The following CHCT1 variants were observed in gnomAD, a reference collection of about 807,000 sequenced individuals.
The protein encoded by CHCT1 is CHD1 helical C-terminal domain containing protein 1.
chr17:60,429,187 C>CA, the CHCT1 span, among the ~76,000 whole-genome samples: 1 of 152,216 alleles, frequency 6.6e-6, no homozygotes, highest in Non-Finnish European at 1.5e-5. Context: ...AGCTTGCCTC[C>CA]ATGTCCCCAC....
chr17:60,422,294 G>T, the CHCT1 span: 1 of 476,156 alleles, frequency 2.1e-6, no homozygotes, highest in South Asian at 2.1e-5. Context: ...GAGAAGGGGC[G>T]CCAGCCTCTC....
chr17:60,428,899 G>C, the CHCT1 span, among the ~76,000 whole-genome samples: 32 of 149,522 alleles, frequency 2.1e-4, no homozygotes, highest in East Asian at 6.0e-3. Context: ...GCTTACAAAG[G>C]CTCCCATTTT....
the CHCT1 span, among the ~76,000 whole-genome samples, chr17:60,427,053 A>C: frequency 3.9e-5 from 6 of 152,184 alleles, no homozygotes; most frequent in Admixed American, 3.9e-4. Context: ...CAAGCCCGGG[A>C]AAGTTCTTGG....
At chr17:60,429,583 A>G in the CHCT1 span, 1 of 1,602,030 alleles carries the variant, frequency 6.2e-7, no homozygotes, top group Admixed American at 1.7e-5. Context: ...TGTTGGGGTG[A>G]TGCCTGGACC....
chr17:60,431,263 G>A, the CHCT1 span: 34 of 1,598,648 alleles, frequency 2.1e-5, no homozygotes, highest in African/African-American at 2.7e-5. Flanking sequence ...AGACTGAACC[G>A]TAAGAAGACC....
the CHCT1 span, chr17:60,426,474 T>G: frequency 9.1e-7 from 1 of 1,103,676 alleles, no homozygotes; most frequent in Admixed American, 2.8e-5. Context: ...TGGAGAGAGC[T>G]CCTAGTCACT....
chr17:60,423,358 A>G, the CHCT1 span, among the ~76,000 whole-genome samples: 2 of 151,688 alleles, frequency 1.3e-5, no homozygotes, highest in Non-Finnish European at 2.9e-5. Flanking sequence ...ACACCTGGCT[A>G]ATTTTTGTAT....
chr17:60,426,671 G>A, the CHCT1 span: 1 of 1,575,910 alleles, frequency 6.3e-7, no homozygotes, highest in Middle Eastern at 1.7e-4. Context: ...CTGGAGGGAG[G>A]AAGCGCTGTG....
chr17:60,422,981 G>C, the CHCT1 span, among the ~76,000 whole-genome samples: 1 of 152,064 alleles, frequency 6.6e-6, no homozygotes, highest in Non-Finnish European at 1.5e-5. Flanking sequence ...GGAGGAGCCT[G>C]TGTCCCATCT....
the CHCT1 span, among the ~76,000 whole-genome samples, chr17:60,424,372 C>T: frequency 6.6e-6 from 1 of 152,140 alleles, no homozygotes; most frequent in African/African-American, 2.4e-5. Context: ...CCTGTTCATT[C>T]CCCCAAGGAG....
At chr17:60,425,139 C>T in the CHCT1 span, among the ~76,000 whole-genome samples, 1 of 152,156 alleles carries the variant, frequency 6.6e-6, no homozygotes. Context: ...CCATGATCTC[C>T]TTAAAAACCC....
chr17:60,424,746 G>A, the CHCT1 span, among the ~76,000 whole-genome samples: 2 of 152,010 alleles, frequency 1.3e-5, no homozygotes, highest in African/African-American at 2.4e-5. Flanking sequence ...TGTGGTGCAC[G>A]CCTGTAATCC....
At chr17:60,422,943 A>C in the CHCT1 span, among the ~76,000 whole-genome samples, 1 of 151,852 alleles carries the variant, frequency 6.6e-6, no homozygotes. Context: ...GGAGGAGTTG[A>C]TCAGCCAGAG....
chr17:60,431,036 A>G, the CHCT1 span: 4 of 591,870 alleles, frequency 6.8e-6, no homozygotes, highest in East Asian at 9.0e-5. Context: ...TTTCTGTGAG[A>G]AAAAACTAAG....
chr17:60,427,676 G>A, the CHCT1 span, among the ~76,000 whole-genome samples: 2 of 152,214 alleles, frequency 1.3e-5, no homozygotes, highest in Admixed American at 6.5e-5. Flanking sequence ...AGCTCCCAAA[G>A]CATTGGGATT....
chr17:60,421,402 C>G, the CHCT1 span: 1 of 985,516 alleles, frequency 1.0e-6, no homozygotes, highest in Non-Finnish European at 1.2e-6. Flanking sequence ...CTCCTGTGCC[C>G]GAGGTGGCCG....
At chr17:60,421,799 G>A in the CHCT1 span, 1 of 960,384 alleles carries the variant, frequency 1.0e-6, no homozygotes, top group Non-Finnish European at 1.2e-6. Context: ...GGTAGGAAGA[G>A]TCGGGGTGGC....
At chr17:60,426,371 A>C in the CHCT1 span, 84,544 of 1,511,260 alleles carry the variant, frequency 0.056, 5,888 homozygotes, top group African/African-American at 0.34. Flanking sequence ...CCCCATACCT[A>C]CTCCTGGGCA....
the CHCT1 span, chr17:60,431,213 C>G: frequency 6.2e-7 from 1 of 1,605,394 alleles, no homozygotes; most frequent in East Asian, 2.2e-5. Context: ...AAAACCAAAA[C>G]TCAAGAGGAA....
Sources: gnomAD v4.1 joint callset for allele counts (sites outside exome capture counted in the v4.1 genomes callset) on GRCh38, gnomAD v4.1.1 for gene constraint, MANE v1.5 for transcripts, NCBI Gene and HGNC (gene_info 2026-07-23, HGNC 2026-07-21) for gene names.